ZFHX2: variants seen among roughly 807,000 people sequenced by gnomAD.
ZFHX2 encodes zinc finger homeobox 2.
ZFHX2 carries 75 observed loss-of-function variants against 164.8 expected under a neutral mutation model. The ratio of observed to expected loss-of-function variants is 0.46; its 90% CI spans 0.38 to 0.55. The LOEUF is 0.55. ZFHX2 is among the 20% of genes least tolerant of loss of function. ZFHX2 has a pLI of 0.00. For synonymous variants in ZFHX2, 1,217 were observed against 1,351.4 expected (o/e 0.90, Z 2.18); for missense variants, 2,933 against 3,308.0 (o/e 0.89, Z 2.78).
At chr14:23,531,233 C>G in intron 4 of ZFHX2, 1 of 414,878 alleles carries the variant, frequency 2.4e-6, no homozygotes, top group Non-Finnish European at 4.0e-6. Flanking sequence ...TCCTCTTCAC[C>G]CTCTTCCTGT....
chr14:23,541,188 G>A (rs1012408799), intron 1 of ZFHX2, among the ~76,000 whole-genome samples: 1 of 152,004 alleles, frequency 6.6e-6, no homozygotes, highest in African/African-American at 2.4e-5. Flanking sequence ...TTACAGGTGT[G>A]AGCCACTGCG....
rs1339280752 is a variant in ZFHX2, at chr14:23,534,932, C to T, written c.394G>A (p.Gly132Ser). ...AYLVAKLSLP[G>S]GSELLLPKGF... ...TTTGGTAACAGGAGTTCACTGCCACCTGGCAGGGACAGCTTGGCCACTAGG... is the reference window on the plus strand; with the variant it reads ...TTTGGTAACAGGAGTTCACTGCCACTTGGCAGGGACAGCTTGGCCACTAGG... Residue 132 changes from glycine (G) to serine (S), a missense_variant, in exon 2 of 10, where the codon GGT becomes AGT. By Grantham distance (56) the Gly-to-Ser change is moderately conservative. Coordinates refer to ENST00000419474, the MANE Select transcript of ZFHX2 (RefSeq NM_033400.3). This position sits in a 1 kb window ranked among gnomAD's most constrained non-coding sequence, Gnocchi z 4.5. The T allele has an allele frequency of 6.5e-7, 1 of 1,536,172 alleles. No homozygotes were observed. The highest frequency in any genetic ancestry group is 1.2e-5 in the South Asian group (1 of 84,064).
At chr14:23,553,701 T>C (rs1882137943), upstream of ZFHX2, among the ~76,000 whole-genome samples, 1 of 151,214 alleles carries the variant, frequency 6.6e-6, no homozygotes, top group Non-Finnish European at 1.5e-5. Context: ...GAGACCATCC[T>C]GACTAACAGG....
At position 23,526,223 on chromosome 14, in the gene ZFHX2, G is replaced by C. The variant is rs1878689090; in HGVS notation, c.3719C>G (p.Thr1240Ser). 6.5e-7 allele frequency: 1 copy of C among 1,536,250 alleles called. No homozygotes were observed. The highest frequency in any genetic ancestry group is 8.7e-7 in the Non-Finnish European group (1 of 1,146,902). ...ARGEAGAPPT[T>S]TAATDKPFKC... ...AAAGGGCTTGTCTGTGGCAGCAGTG[G>C]TGGTGGGTGGGGCACCGGCCTCTCC... The change falls in exon 9 of 10, where the codon ACC (threonine) becomes AGC (serine). Residue 1240 changes from threonine (T) to serine (S), a missense_variant. By Grantham distance (58) the Thr-to-Ser change is moderately conservative (BLOSUM62 1). Transcript: ENST00000419474.
upstream of ZFHX2, chr14:23,555,821 T>C (rs1882320058): frequency 6.6e-6 from 1 of 152,284 alleles, no homozygotes; most frequent in Non-Finnish European, 1.5e-5. Flanking sequence ...GCGGGGGGTG[T>C]TGGAGACGGG....
chr14:23,522,640 G>T lies in ZFHX2; in HGVS notation c.7041C>A (p.Pro2347=). Residue 2347 remains proline (P), a synonymous_variant, in exon 10 of 10, where the codon CCC becomes CCA. Coordinates refer to ENST00000419474, the MANE Select transcript of ZFHX2 (RefSeq NM_033400.3). The part of the protein sequence containing the change: ...VPALLGGQFL[P]FPLPPAGGTA... The stretch of plus-strand genomic sequence containing the variant: ...TTCCCCCAGCAGGGGGCAATGGAAA[G>T]GGCAGGAACTGGCCCCCCAACAGGG... 6.5e-7 allele frequency: 1 copy of T among 1,536,016 alleles called. No individual in the cohort carries two copies. Among genetic ancestry groups the T allele is most frequent in the Non-Finnish European group, 8.7e-7 (1 of 1,146,688 alleles).
intron 1 of ZFHX2, among the ~76,000 whole-genome samples, chr14:23,537,529 C>T (rs1373020627): frequency 6.6e-6 from 1 of 152,160 alleles, no homozygotes; most frequent in African/African-American, 2.4e-5. Flanking sequence ...AGCTTCCCTC[C>T]TCCTGGGGTT....
chr14:23,534,911 G>C lies in ZFHX2; in HGVS notation c.415C>G (p.Pro139Ala), dbSNP rs182152663. 1 of 1,536,120 alleles carries C rather than the reference G, an allele frequency of 6.5e-7. No homozygotes were observed. The highest frequency in any genetic ancestry group is 1.4e-5 in the African/African-American group (1 of 73,162). The change falls in exon 2 of 10, where the codon CCA (proline) becomes GCA (alanine). Residue 139 changes from proline to alanine, a missense_variant. Coordinates refer to ENST00000419474, the MANE Select transcript of ZFHX2 (RefSeq NM_033400.3). This position sits in a 1 kb window ranked among gnomAD's most constrained non-coding sequence, Gnocchi z 4.5. The stretch of plus-strand genomic sequence containing the variant: ...GCCTCACCCCAGGGGAAGCCCTTTG[G>C]TAACAGGAGTTCACTGCCACCTGGC... ...SLPGGSELLL[P>A]KGFPWGEAGI...
chr14:23,525,267 C>T lies in ZFHX2; in HGVS notation c.4675G>A (p.Ala1559Thr). 1 of 1,536,134 alleles carries T rather than the reference C, an allele frequency of 6.5e-7. No individual in the cohort carries two copies. Among genetic ancestry groups the T allele is most frequent in the Non-Finnish European group, 8.7e-7 (1 of 1,146,916 alleles). Reference sequence around the variant, plus strand: ...TCTTCAGGGGCACGGGTCCCCCCTGCCTCAGGCTCTGGGACCAGGAAGGGT... The same window carrying T: ...TCTTCAGGGGCACGGGTCCCCCCTGTCTCAGGCTCTGGGACCAGGAAGGGT... Reference protein sequence around the residue: ...GPPFLVPEPEAGGTRAPEERS... With the variant: ...GPPFLVPEPETGGTRAPEERS... Residue 1559 changes from alanine (A) to threonine (T), a missense_variant, in exon 9 of 10, where the codon GCA becomes ACA. Ala to Thr is a moderately conservative substitution (Grantham distance 58). Transcript: ENST00000419474. The surrounding 1 kb of genome is among the most constrained non-coding windows in gnomAD (Gnocchi z 5.9).
Position 23,523,336 on chromosome 14 carries a change from C to A in ZFHX2, c.6606G>T (p.Lys2202Asn). The change falls in exon 9 of 10, where the codon AAG becomes AAT. Residue 2202 changes from lysine to asparagine, a missense_variant. Physicochemically the swap from Lys to Asn is moderately conservative, Grantham distance 94. Coordinates refer to ENST00000419474, the MANE Select transcript of ZFHX2 (RefSeq NM_033400.3). This position sits in a 1 kb window ranked among gnomAD's most constrained non-coding sequence, Gnocchi z 4.1. ...APAPEAPPAL[K>N]APPATTPASM... ...AGGCAGGTGTGGTGGCAGGTGGGGCCTTGAGAGCTGGGGGAGCCTCAGGTG... is the reference window on the plus strand; with the variant it reads ...AGGCAGGTGTGGTGGCAGGTGGGGCATTGAGAGCTGGGGGAGCCTCAGGTG... The A allele has an allele frequency of 6.8e-7, 1 of 1,461,942 alleles. No homozygotes were observed. Among genetic ancestry groups the A allele is most frequent in the Non-Finnish European group, 9.0e-7 (1 of 1,110,240 alleles). 90.6% of individuals were successfully genotyped at this position (1,461,942 alleles called of 1,614,324 possible).
Position 23,520,919 on chromosome 14 carries a change from T to A in ZFHX2, c.*1043A>T, listed in dbSNP as rs1462884570. ...TTTCCAAGTTTACGTTTTTCTTTAGTTCATTCCTCTGGTGTCCGTTTCTCT... is the reference window on the plus strand; with the variant it reads ...TTTCCAAGTTTACGTTTTTCTTTAGATCATTCCTCTGGTGTCCGTTTCTCT... On this transcript the variant is annotated 3_prime_UTR_variant, in exon 10 of 10. Coordinates refer to ENST00000419474, the MANE Select transcript of ZFHX2 (RefSeq NM_033400.3). The surrounding 1 kb of genome is among the most constrained non-coding windows in gnomAD (Gnocchi z 8.7). 6.6e-6 allele frequency: 1 copy of A among 152,030 alleles called. No homozygotes were observed. The highest frequency in any genetic ancestry group is 1.5e-5 in the Non-Finnish European group (1 of 67,998). 9.4% of individuals were successfully genotyped at this position (152,030 alleles called of 1,614,324 possible). A position where few individuals can be genotyped will look rare whatever the true frequency, so the allele number is the denominator to read the frequency against.
At position 23,522,952 on chromosome 14, in the gene ZFHX2, GA is replaced by G; in HGVS notation, c.6740-12del. On this transcript the variant is annotated splice_polypyrimidine_tract_variant and intron_variant, in intron 9 of 9. Coordinates refer to ENST00000419474, the MANE Select transcript of ZFHX2 (RefSeq NM_033400.3). ...AGGAGGCTGCCGGGCCTAGAAAGGT[GA>G]AAGGAAGGATGAAGGATTAGCCATC... is the stretch of plus-strand genomic sequence containing the variant. The G allele has an allele frequency of 3.5e-6, 5 of 1,437,422 alleles. No individual in the cohort carries two copies. The highest frequency in any genetic ancestry group is 4.5e-6 in the Non-Finnish European group (5 of 1,100,456). 89.0% of individuals were successfully genotyped at this position (1,437,422 alleles called of 1,614,324 possible). A position where few individuals can be genotyped will look rare whatever the true frequency, so the allele number is the denominator to read the frequency against.
upstream of ZFHX2, chr14:23,551,794 C>A (rs987145075): frequency 6.6e-6 from 1 of 152,644 alleles, no homozygotes; most frequent in African/African-American, 2.4e-5. The surrounding 1 kb of genome is among the most constrained non-coding windows in gnomAD (Gnocchi z 5.3). Flanking sequence ...CGGGGCTGCC[C>A]CACTGAGCAG....
rs1435703264 is a variant in ZFHX2 at position 23,520,892 on chromosome 14, A to C, written c.*1070T>G. ...TTTCTTCCTTTTTTTTTTTTTCTGT[A>C]TTTTCCAAGTTTACGTTTTTCTTTA... On this transcript the variant is annotated 3_prime_UTR_variant, in exon 10 of 10. Coordinates refer to ENST00000419474, the MANE Select transcript of ZFHX2 (RefSeq NM_033400.3). This position sits in a 1 kb window ranked among gnomAD's most constrained non-coding sequence, Gnocchi z 8.7. 1 of 139,316 alleles carries C rather than the reference A, an allele frequency of 7.2e-6. No homozygotes were observed. Among genetic ancestry groups the C allele is most frequent in the Admixed American group, 7.0e-5 (1 of 14,192 alleles). 8.6% of individuals were successfully genotyped at this position (139,316 alleles called of 1,614,324 possible).
Position 23,534,289 on chromosome 14 carries a change from G to A in ZFHX2, c.1037C>T (p.Pro346Leu), listed in dbSNP as rs755600606. 6.5e-7 allele frequency: 1 copy of A among 1,533,480 alleles called. No individual in the cohort carries two copies. The highest frequency in any genetic ancestry group is 1.4e-5 in the African/African-American group (1 of 72,956). 95.0% of individuals were successfully genotyped at this position (1,533,480 alleles called of 1,614,324 possible). ...LDEEVMALSP[P>L]SPPTATWDPS... ...GTCCCAGGTGGCTGTGGGTGGAGAG[G>A]GTGGGCTGAGGGCCATAACTTCTTC... The change falls in exon 2 of 10, where the codon CCC becomes CTC. Residue 346 changes from proline (P) to leucine (L), a missense_variant. Coordinates refer to ENST00000419474, the MANE Select transcript of ZFHX2 (RefSeq NM_033400.3). The surrounding 1 kb of genome is among the most constrained non-coding windows in gnomAD (Gnocchi z 4.5).
intron 1 of ZFHX2, among the ~76,000 whole-genome samples, chr14:23,547,822 G>C (rs1160619328): frequency 6.6e-6 from 1 of 152,166 alleles, no homozygotes; most frequent in Non-Finnish European, 1.5e-5. Context: ...AGCCTTTTCT[G>C]TGTGACAGAC....
At position 23,533,886 on chromosome 14, in the gene ZFHX2, G is replaced by A. The variant is rs779938892; in HGVS notation, c.1440C>T (p.Asn480=). 2.0e-5 allele frequency: 30 copies of A among 1,537,960 alleles called. No homozygotes were observed. The highest frequency in any genetic ancestry group is 2.4e-5 in the Non-Finnish European group (28 of 1,147,260). Residue 480 remains asparagine, a synonymous_variant, in exon 2 of 10, where the codon AAC becomes AAT. Coordinates refer to ENST00000419474, the MANE Select transcript of ZFHX2 (RefSeq NM_033400.3). The surrounding 1 kb of genome is among the most constrained non-coding windows in gnomAD (Gnocchi z 4.8). ...VHMREKHPES[N]SHCSYCSAGG... ...CAGCACTGCAGTAGCTGCAGTGACT[G>A]TTGCTCTCAGGGTGCTTCTCTCGCA...
At chr14:23,531,763 A>G in intron 3 of ZFHX2, 42 bp from the exon 4 acceptor site, 7 of 1,286,240 alleles carry the variant, frequency 5.4e-6, no homozygotes, top group Non-Finnish European at 5.9e-6. Flanking sequence ...CAGAAGGGAC[A>G]TGCCAGACCT....
At position 23,534,058 on chromosome 14, in the gene ZFHX2, T is replaced by A; in HGVS notation, c.1268A>T (p.Asp423Val). The A allele has an allele frequency of 2.6e-6, 4 of 1,529,542 alleles. No homozygotes were observed. The highest frequency in any genetic ancestry group is 3.5e-6 in the Non-Finnish European group (4 of 1,142,412). 94.7% of individuals were successfully genotyped at this position (1,529,542 alleles called of 1,614,324 possible). A position where few individuals can be genotyped will look rare whatever the true frequency, so the allele number is the denominator to read the frequency against. Residue 423 changes from aspartate (D) to valine (V), a missense_variant, in exon 2 of 10, where the codon GAT (aspartate) becomes GTT (valine). By Grantham distance (152) the Asp-to-Val change is radical. Coordinates refer to ENST00000419474, the MANE Select transcript of ZFHX2 (RefSeq NM_033400.3). This position sits in a 1 kb window ranked among gnomAD's most constrained non-coding sequence, Gnocchi z 4.5. ...SDPPQPYRLADDYTPAPAAFQ... is the reference protein window; with the variant it reads ...SDPPQPYRLAVDYTPAPAAFQ... Reference sequence around the variant, plus strand: ...GGCTGCAGGGGCTGGGGTGTAGTCATCAGCTAGGCGATAGGGCTGGGGTGG... The same window carrying A: ...GGCTGCAGGGGCTGGGGTGTAGTCAACAGCTAGGCGATAGGGCTGGGGTGG...
Sources: allele counts gnomAD v4.1 joint callset (sites outside exome capture counted in the v4.1 genomes callset), GRCh38; gene constraint gnomAD v4.1.1; non-coding constraint Gnocchi (gnomAD v3.1); transcripts MANE v1.5; gene names NCBI Gene and HGNC (gene_info 2026-07-23, HGNC 2026-07-21).